Variants in CSMD1 observed in about 807,000 individuals in gnomAD.
CSMD1 encodes the protein CUB and Sushi multiple domains 1, also known as CUB and sushi domain-containing protein 1.
Under a neutral mutation model 417.5 loss-of-function variants are expected in CSMD1, and 213 were observed. The observed-to-expected ratio is 0.51, with a 90% CI of 0.46 to 0.57. The LOEUF (loss-of-function observed/expected upper bound fraction) is 0.57. Ranked by LOEUF, CSMD1 falls within the 20% of genes least tolerant of loss-of-function variation. The pLI, the probability that CSMD1 is intolerant of heterozygous loss-of-function variation, is 0.00. For synonymous variants in CSMD1, 2,862 were observed against 1,736.8 expected (o/e 1.65, Z -16.11); for missense variants, 6,923 against 4,529.7 (o/e 1.53, Z -15.17).
intron 3 of CSMD1, among the ~76,000 whole-genome samples, chr8:4,334,876 G>C (rs891662169): frequency 6.6e-6 from 1 of 152,060 alleles, no homozygotes; most frequent in South Asian, 2.1e-4. Flanking sequence ...GGAAGTCCAA[G>C]ATCAAGGTGA....
chr8:4,867,508 C>G lies in CSMD1; in HGVS notation c.85+126824G>C, dbSNP rs184916054. ...CAACACTCTTCCTATCCCAGCCAAC[C>G]TCGGATATAATTTTTTTTACCTTTG... On this transcript the variant is annotated intron_variant, in intron 1 of 69. Coordinates refer to ENST00000635120, the MANE Select transcript of CSMD1 (RefSeq NM_033225.6). 7.9e-5 allele frequency among the ~76,000 whole-genome samples: 12 copies of G among 152,186 alleles called. No homozygotes were observed. The East Asian group carries it at 2.3e-3, about 29-fold the overall frequency.
rs534400984 is a variant in CSMD1, at chr8:4,066,938, T to G, written c.416-34839A>C. ...AGTAAAGTGACAAATGCTATTTGTATTGTGTAAATACCCTCAGGGTGGAAC... is the reference window on the plus strand; with the variant it reads ...AGTAAAGTGACAAATGCTATTTGTAGTGTGTAAATACCCTCAGGGTGGAAC... On this transcript the variant is annotated intron_variant, in intron 3 of 69. Coordinates refer to ENST00000635120, the MANE Select transcript of CSMD1 (RefSeq NM_033225.6). 7.2e-5 allele frequency among the ~76,000 whole-genome samples: 11 copies of G among 152,344 alleles called. 1 individual carries two copies. The highest frequency in any genetic ancestry group is 5.9e-4 in the Admixed American group (9 of 15,312).
In CSMD1 at chr8:4,021,363, G is replaced by A. The variant is rs183446835; in HGVS notation, c.610+10542C>T. ...TGTTTCATGTCACATTTTCCGTGTC[G>A]CATCTGGGGATTTTTAACTTCATCT... is the stretch of plus-strand genomic sequence containing the variant. On this transcript the variant is annotated intron_variant, in intron 4 of 69. Transcript: ENST00000635120. Among the ~76,000 whole-genome samples the A allele has an allele frequency of 1.5e-4, 23 of 152,230 alleles. No individual in the cohort carries two copies. The South Asian group carries it at 4.2e-3, about 27-fold the overall frequency.
chr8:4,593,026 C>G (rs951565346), intron 2 of CSMD1, among the ~76,000 whole-genome samples: 3 of 152,124 alleles, frequency 2.0e-5, no homozygotes, highest in Non-Finnish European at 4.4e-5. Context: ...TCTTATTGGT[C>G]TACATGCTGG....
At chr8:4,884,812 A>T (rs1585262554) in intron 1 of CSMD1, among the ~76,000 whole-genome samples, 1 of 152,000 alleles carries the variant, frequency 6.6e-6, no homozygotes, top group Non-Finnish European at 1.5e-5. Context: ...CTCTAACTTT[A>T]TTCCCCCTTT....
chr8:4,648,863 C>T (rs1803704158), intron 1 of CSMD1, among the ~76,000 whole-genome samples: 1 of 152,110 alleles, frequency 6.6e-6, no homozygotes, highest in African/African-American at 2.4e-5. Flanking sequence ...GCACACCCAC[C>T]ACAGTAACAA....
chr8:4,188,575 C>G (rs1457340617), intron 3 of CSMD1, among the ~76,000 whole-genome samples: 1 of 152,086 alleles, frequency 6.6e-6, no homozygotes, highest in Non-Finnish European at 1.5e-5. Flanking sequence ...ACACTGTCAA[C>G]TGACGCGCCC....
At chr8:3,627,259 G>C (rs1013225848) in intron 7 of CSMD1, among the ~76,000 whole-genome samples, 21 of 152,142 alleles carry the variant, frequency 1.4e-4, no homozygotes, top group Admixed American at 3.9e-4. Context: ...CTGTGCAGCT[G>C]TTCATGCCCA....
chr8:4,348,359 G>T (rs1440210585), intron 3 of CSMD1, among the ~76,000 whole-genome samples: 1 of 152,020 alleles, frequency 6.6e-6, no homozygotes, highest in South Asian at 2.1e-4. Flanking sequence ...ATCCACCCAA[G>T]TGTACTACGC....
chr8:4,761,887 C>A (rs1355812791), intron 1 of CSMD1, among the ~76,000 whole-genome samples: 1 of 69,256 alleles, frequency 1.4e-5, no homozygotes, highest in Admixed American at 1.8e-4. Context: ...ATCTATCTAT[C>A]TACCTACCTA....
chr8:3,097,507 T>C (rs141133495), intron 46 of CSMD1, among the ~76,000 whole-genome samples: 63 of 152,300 alleles, frequency 4.1e-4, no homozygotes, highest in African/African-American at 1.4e-3. Context: ...TGATGCCTGA[T>C]GCTGCAGATG....
intron 1 of CSMD1, among the ~76,000 whole-genome samples, chr8:4,838,386 T>A (rs934886646): frequency 6.6e-6 from 1 of 152,122 alleles, no homozygotes. Flanking sequence ...GAAAAATAAA[T>A]AGAAGATTGC....
chr8:4,426,781 GAT>G (rs1331988510), intron 2 of CSMD1, among the ~76,000 whole-genome samples: 2 of 141,146 alleles, frequency 1.4e-5, no homozygotes, highest in Non-Finnish European at 3.2e-5. Context: ...CAATACAGAT[GAT>G]ATTATATAAT....
intron 2 of CSMD1, among the ~76,000 whole-genome samples, chr8:4,433,376 A>G (rs181328600): frequency 6.6e-6 from 1 of 152,302 alleles, no homozygotes; most frequent in East Asian, 1.9e-4. Flanking sequence ...TATCATGGAC[A>G]TGACATCATT....
At chr8:4,308,039 A>T (rs1798345361) in intron 3 of CSMD1, among the ~76,000 whole-genome samples, 1 of 152,204 alleles carries the variant, frequency 6.6e-6, no homozygotes, top group Admixed American at 6.5e-5. Context: ...GCAACGCCAG[A>T]CATGGATCTG....
At chr8:3,811,241 T>C (rs984247000) in intron 5 of CSMD1, among the ~76,000 whole-genome samples, 1 of 152,172 alleles carries the variant, frequency 6.6e-6, no homozygotes, top group Non-Finnish European at 1.5e-5. Flanking sequence ...AACACCCAAG[T>C]TAATTATGAA....
At chr8:4,686,271 T>C (rs1806381853) in intron 1 of CSMD1, among the ~76,000 whole-genome samples, 1 of 152,230 alleles carries the variant, frequency 6.6e-6, no homozygotes, top group Admixed American at 6.5e-5. Flanking sequence ...GAAGGAATGC[T>C]TTCTTTTCAA....
At chr8:4,602,220 T>C (rs953062546) in intron 2 of CSMD1, among the ~76,000 whole-genome samples, 7 of 152,078 alleles carry the variant, frequency 4.6e-5, no homozygotes, top group African/African-American at 9.7e-5. Context: ...CCCTATGTCA[T>C]TGAAAATTGA....
At chr8:4,128,630 T>G (rs541255441) in intron 3 of CSMD1, among the ~76,000 whole-genome samples, 1 of 152,298 alleles carries the variant, frequency 6.6e-6, no homozygotes, top group South Asian at 2.1e-4. Context: ...TTTTTCCTCT[T>G]GAAGCTTTAG....
Sources: allele counts gnomAD v4.1 joint callset (sites outside exome capture counted in the v4.1 genomes callset), GRCh38; gene constraint gnomAD v4.1.1; transcripts MANE v1.5; gene names NCBI Gene and HGNC (gene_info 2026-07-23, HGNC 2026-07-21).